The following EPHA5 variants were observed in gnomAD, a reference collection of about 807,000 sequenced individuals.
The protein encoded by EPHA5 is ephrin type-A receptor 5.
A neutral mutation model predicts 105.0 loss-of-function variants in EPHA5; 60 were observed. The ratio of observed to expected loss-of-function variants is 0.57; its 90% confidence interval spans 0.46 to 0.71. The LOEUF is 0.71. Ranked by LOEUF, EPHA5 falls within the 30% of genes least tolerant of loss-of-function variation. EPHA5 has a pLI of 0.00. For missense variants in EPHA5, 1,218 were observed against 1,274.7 expected, an observed-to-expected ratio of 0.96 and a Z score of 0.68; for synonymous variants, 513 against 449.1, an observed-to-expected ratio of 1.14 and a Z score of -1.80.
chr4:65,641,068 G>C (rs532092962), intron 2 of EPHA5, among the ~76,000 whole-genome samples: 1 of 152,260 alleles, frequency 6.6e-6, no homozygotes, highest in East Asian at 1.9e-4. Flanking sequence ...GTGAAATCAA[G>C]AGTGTCTTAC....
At chr4:65,466,357 AG>A (rs1385963458) in intron 5 of EPHA5, among the ~76,000 whole-genome samples, 4 of 152,230 alleles carry the variant, frequency 2.6e-5, no homozygotes, top group African/African-American at 9.6e-5. Flanking sequence ...TACCTGGTAA[AG>A]TGAGTGAGTG....
At chr4:65,387,509 G>A (rs1720223536) in intron 8 of EPHA5, among the ~76,000 whole-genome samples, 1 of 151,902 alleles carries the variant, frequency 6.6e-6, no homozygotes, top group South Asian at 2.1e-4. Context: ...CCCTATTGGG[G>A]CTGAAAAGCA....
At chr4:65,585,138 G>GTGTT (rs1553945722) in intron 3 of EPHA5, among the ~76,000 whole-genome samples, 7 of 151,638 alleles carry the variant, frequency 4.6e-5, no homozygotes, top group African/African-American at 1.7e-4. Flanking sequence ...GTGTGTGTGT[G>GTGTT]TGTGTGTCTG....
At chr4:65,399,822 A>T (rs1025559899) in intron 8 of EPHA5, among the ~76,000 whole-genome samples, 8 of 144,318 alleles carry the variant, frequency 5.5e-5, no homozygotes, top group African/African-American at 2.1e-4. Flanking sequence ...ACATAGTATT[A>T]AAAAATATTC....
At chr4:65,539,601 T>A (rs1395514325) in intron 3 of EPHA5, among the ~76,000 whole-genome samples, 1 of 151,638 alleles carries the variant, frequency 6.6e-6, no homozygotes, top group East Asian at 1.9e-4. Flanking sequence ...ATTTGATCAA[T>A]AGAGATATTG....
rs555914810 is a variant in EPHA5, at chr4:65,653,429, A to T, written c.182-10002T>A. On this transcript the variant is annotated intron_variant, in intron 1 of 16. Transcript: ENST00000613740. ...TAAAAACTAGTCAAAATATAAAGTA[A>T]CACAGACAAAAATACTAACAAAGTA... Among the ~76,000 whole-genome samples the T allele has an allele frequency of 2.6e-4, 40 of 152,276 alleles. No individual in the cohort carries two copies. In the South Asian group the frequency reaches 7.9e-3, roughly 30 times the overall value.
intron 5 of EPHA5, among the ~76,000 whole-genome samples, chr4:65,456,118 G>A (rs1213560369): frequency 2.6e-5 from 4 of 152,116 alleles, no homozygotes; most frequent in East Asian, 1.9e-4. Flanking sequence ...CTTTGAATCC[G>A]TATGAATAAC....
intron 8 of EPHA5, among the ~76,000 whole-genome samples, chr4:65,385,495 T>A (rs1719992467): frequency 6.6e-6 from 1 of 151,916 alleles, no homozygotes. Flanking sequence ...TAGAATGACT[T>A]AAGAGGAAGC....
In EPHA5 at chr4:65,404,496, A is replaced by G. The variant is rs750817278; in HGVS notation, c.1688-17T>C. The stretch of plus-strand genomic sequence containing the variant: ...CTGCAACTGCTGATAGGAGATACAG[A>G]AAATGGAGCTTGTGGTTAAAGTGAT... On this transcript the variant is annotated splice_polypyrimidine_tract_variant and intron_variant, in intron 7 of 16. Transcript: ENST00000613740. 3 of 1,609,588 alleles carry G rather than the reference A, an allele frequency of 1.9e-6. No homozygotes were observed. Among genetic ancestry groups the G allele is most frequent in the Middle Eastern group, 3.3e-4 (2 of 6,048 alleles).
intron 5 of EPHA5, among the ~76,000 whole-genome samples, chr4:65,470,485 C>A (rs73222151): frequency 0.041 from 6,275 of 152,200 alleles, 447 homozygotes; most frequent in African/African-American, 0.14. Context: ...AACCACCACA[C>A]CTGGTGAAGA....
chr4:65,335,611 T>C (rs115416014), intron 15 of EPHA5, among the ~76,000 whole-genome samples: 12,647 of 152,024 alleles, frequency 0.083, 593 homozygotes, highest in Middle Eastern at 0.14. Flanking sequence ...CTTACATTCC[T>C]CCTCCTCACC....
intron 3 of EPHA5, among the ~76,000 whole-genome samples, chr4:65,513,548 G>A (rs1290069151): frequency 6.6e-6 from 1 of 151,876 alleles, no homozygotes; most frequent in Non-Finnish European, 1.5e-5. Flanking sequence ...CACCACGCCC[G>A]ACTAATTTTT....
intron 3 of EPHA5, among the ~76,000 whole-genome samples, chr4:65,556,815 G>A (rs71612731): frequency 0.031 from 4,669 of 152,020 alleles, 102 homozygotes; most frequent in African/African-American, 0.049. Flanking sequence ...TATGATCCAG[G>A]AAAACAACTT....
At chr4:65,480,415 A>G (rs1315411857) in intron 5 of EPHA5, among the ~76,000 whole-genome samples, 1 of 152,184 alleles carries the variant, frequency 6.6e-6, no homozygotes, top group Non-Finnish European at 1.5e-5. Flanking sequence ...GCATAAAGGT[A>G]TATGGCTTCA....
intron 2 of EPHA5, among the ~76,000 whole-genome samples, chr4:65,619,881 A>C (rs185035110): frequency 6.6e-6 from 1 of 151,694 alleles, no homozygotes; most frequent in East Asian, 1.9e-4. Context: ...TCTTTCTAAA[A>C]CACTCATTCA....
chr4:65,364,704 A>G (rs1717683615), intron 11 of EPHA5, among the ~76,000 whole-genome samples: 1 of 151,446 alleles, frequency 6.6e-6, no homozygotes, highest in South Asian at 2.1e-4. Flanking sequence ...TTAATATTTC[A>G]TTAGGATAAA....
At chr4:65,663,715 A>G (rs1024964138) in intron 1 of EPHA5, among the ~76,000 whole-genome samples, 6 of 152,034 alleles carry the variant, frequency 3.9e-5, no homozygotes, top group Admixed American at 6.6e-5. Flanking sequence ...TTGTTATTAT[A>G]ATAGGAATTT....
intron 3 of EPHA5, among the ~76,000 whole-genome samples, chr4:65,544,564 A>C (rs1737186400): frequency 6.6e-6 from 1 of 152,060 alleles, no homozygotes; most frequent in Admixed American, 6.6e-5. Context: ...AATTATTAAA[A>C]AGTCAAGAAG....
At chr4:65,606,981 T>C (rs988890686) in intron 2 of EPHA5, among the ~76,000 whole-genome samples, 1 of 152,146 alleles carries the variant, frequency 6.6e-6, no homozygotes, top group African/African-American at 2.4e-5. Context: ...TCTTCACACT[T>C]TGAGTCACAT....
Sources: allele counts gnomAD v4.1 joint callset (sites outside exome capture counted in the v4.1 genomes callset), GRCh38; gene constraint gnomAD v4.1.1; transcripts MANE v1.5; gene names NCBI Gene and HGNC (gene_info 2026-07-23, HGNC 2026-07-21).